The following CACNB4 variants were observed in gnomAD, a reference collection of about 807,000 sequenced individuals.
The protein encoded by CACNB4 is calcium voltage-gated channel auxiliary subunit beta 4, also known as voltage-dependent L-type calcium channel subunit beta-4.
CACNB4 carries 32 observed loss-of-function variants against 71.2 expected under a neutral mutation model. The ratio of observed to expected loss-of-function variants is 0.45; its 90% CI spans 0.34 to 0.60. CACNB4 has a LOEUF of 0.60. Among genes scored for constraint, CACNB4 ranks in the 20% least tolerant of loss-of-function variants. The pLI is 0.01. For missense variants in CACNB4, 464 were observed against 647.9 expected (o/e 0.72, Z 3.08); for synonymous variants, 231 against 236.9 (o/e 0.97, Z 0.23).
At chr2:151,917,610 G>T (rs2099857849) in intron 2 of CACNB4, among the ~76,000 whole-genome samples, 1 of 152,134 alleles carries the variant, frequency 6.6e-6, no homozygotes. Flanking sequence ...GCTGAGGCAG[G>T]TGGATCACCT....
chr2:151,955,237 C>T (rs2099867945), intron 2 of CACNB4, among the ~76,000 whole-genome samples: 1 of 152,208 alleles, frequency 6.6e-6, no homozygotes, highest in African/African-American at 2.4e-5. Context: ...CATTTCCTCA[C>T]TGGTTGGTGC....
chr2:151,897,524 A>AG (rs2099852388), intron 2 of CACNB4, among the ~76,000 whole-genome samples: 1 of 152,250 alleles, frequency 6.6e-6, no homozygotes, highest in Non-Finnish European at 1.5e-5. Context: ...CCAAACAAAT[A>AG]GAAAAAAAAG....
At chr2:152,062,715 G>A (rs1412326767) in intron 2 of CACNB4, among the ~76,000 whole-genome samples, 1 of 152,186 alleles carries the variant, frequency 6.6e-6, no homozygotes, top group Non-Finnish European at 1.5e-5. Flanking sequence ...GCAAGACAGA[G>A]CCTTTGCCAA....
chr2:152,090,629 G>A (rs1176418624), intron 2 of CACNB4, among the ~76,000 whole-genome samples: 10 of 142,086 alleles, frequency 7.0e-5, no homozygotes, highest in African/African-American at 2.6e-4. Flanking sequence ...GGCAACAACA[G>A]CAAAACTCCA....
intron 2 of CACNB4, among the ~76,000 whole-genome samples, chr2:151,977,128 C>A (rs997174786): frequency 3.3e-5 from 5 of 152,198 alleles, no homozygotes; most frequent in Non-Finnish European, 5.9e-5. Flanking sequence ...AACCCACCTA[C>A]CTCTCATTAC....
At chr2:152,046,883 G>C (rs1579195572) in intron 2 of CACNB4, among the ~76,000 whole-genome samples, 1 of 152,176 alleles carries the variant, frequency 6.6e-6, no homozygotes, top group East Asian at 1.9e-4. Context: ...AAGGGTCTCT[G>C]ACTATCCTGG....
intron 8 of CACNB4, chr2:151,869,986 C>G: frequency 9.4e-6 from 5 of 530,918 alleles, no homozygotes; most frequent in Non-Finnish European, 1.6e-5. Flanking sequence ...CTACTCTTTT[C>G]CTTGTCACAT....
In CACNB4 at chr2:151,978,770, G is replaced by A. The variant is rs76533104; in HGVS notation, c.148-95400C>T. ...ATTGCTAAACCTTGCCCCTGATGCCGGCCTGGTCCTCTCAATCCCACCAGA... is the reference window on the plus strand; with the variant it reads ...ATTGCTAAACCTTGCCCCTGATGCCAGCCTGGTCCTCTCAATCCCACCAGA... On this transcript the variant is annotated intron_variant, in intron 2 of 13. Transcript: ENST00000539935. 1.2e-3 allele frequency among the ~76,000 whole-genome samples: 181 copies of A among 152,148 alleles called. 1 individual carries two copies. The highest frequency in any genetic ancestry group is 4.1e-3 in the African/African-American group (170 of 41,520).
intron 2 of CACNB4, among the ~76,000 whole-genome samples, chr2:152,035,786 G>C (rs1684559867): frequency 6.6e-6 from 1 of 151,946 alleles, no homozygotes; most frequent in African/African-American, 2.4e-5. Context: ...TCAAGCATTT[G>C]AGTTTAAAAC....
chr2:152,050,742 C>T (rs1340445098), intron 2 of CACNB4, among the ~76,000 whole-genome samples: 2 of 151,850 alleles, frequency 1.3e-5, no homozygotes, highest in Non-Finnish European at 1.5e-5. Flanking sequence ...TTAATGCAGG[C>T]ATATCCACTT....
At chr2:151,928,714 C>T (rs1364820606) in intron 2 of CACNB4, among the ~76,000 whole-genome samples, 1 of 152,024 alleles carries the variant, frequency 6.6e-6, no homozygotes, top group Non-Finnish European at 1.5e-5. Context: ...ACTTTGAGTT[C>T]AGGAGTTTGA....
intron 2 of CACNB4, among the ~76,000 whole-genome samples, chr2:151,938,015 T>C (rs1199327516): frequency 2.0e-5 from 3 of 152,350 alleles, no homozygotes; most frequent in East Asian, 3.9e-4. Flanking sequence ...AAGACTTCTA[T>C]CCATTGGTCC....
chr2:152,027,961 T>TA (rs1380505879), intron 2 of CACNB4, among the ~76,000 whole-genome samples: 2 of 152,038 alleles, frequency 1.3e-5, no homozygotes, highest in Non-Finnish European at 2.9e-5. Flanking sequence ...GAGCTTCGAT[T>TA]TGTGAGTAAC....
chr2:151,881,879 C>CTT (rs34072100), intron 3 of CACNB4, among the ~76,000 whole-genome samples: 1,896 of 133,008 alleles, frequency 0.014, 50 homozygotes, highest in African/African-American at 0.045. Flanking sequence ...CTCCTCCCAT[C>CTT]TTTTTTTTTT....
At chr2:152,004,866 C>G (rs78960992) in intron 2 of CACNB4, among the ~76,000 whole-genome samples, 2,694 of 152,266 alleles carry the variant, frequency 0.018, 83 homozygotes, top group African/African-American at 0.06. Flanking sequence ...GGCAGAGCCA[C>G]AGCGGCGTTT....
At chr2:152,078,266 G>C (rs115315167) in intron 2 of CACNB4, among the ~76,000 whole-genome samples, 1 of 152,290 alleles carries the variant, frequency 6.6e-6, no homozygotes, top group African/African-American at 2.4e-5. Context: ...GATGCCTCTA[G>C]AACTGCTGCA....
rs751340365 is a variant in CACNB4 at position 151,872,498 on chromosome 2, G to C, written c.522-5C>G. The C allele has an allele frequency of 6.4e-7, 1 of 1,559,156 alleles. No individual in the cohort carries two copies. Among genetic ancestry groups the C allele is most frequent in the South Asian group, 1.1e-5 (1 of 88,696 alleles). The stretch of plus-strand genomic sequence containing the variant: ...GAAGAATTTCCACTTGATTTCCTAG[G>C]ATATAGAAAAGGAACTAAAGACTCA... On this transcript the variant is annotated splice_polypyrimidine_tract_variant and splice_region_variant and intron_variant, in intron 5 of 13. Transcript: ENST00000539935.
At chr2:151,865,768 T>TTTTC (rs147623183) in intron 9 of CACNB4, 132,441 of 141,096 alleles carry the variant, frequency 0.94, 62,236 homozygotes, top group East Asian at 0.99. Flanking sequence ...GTGTTTTTCT[T>TTTTC]TTTCTTTCTT....
chr2:152,001,995 T>C (rs2151781478), intron 2 of CACNB4, among the ~76,000 whole-genome samples: 1 of 152,282 alleles, frequency 6.6e-6, no homozygotes, highest in East Asian at 1.9e-4. Flanking sequence ...ACAACGAGCA[T>C]TTCTCCAAGG....
Sources: gnomAD v4.1 joint callset for allele counts (sites outside exome capture counted in the v4.1 genomes callset) on GRCh38, gnomAD v4.1.1 for gene constraint, MANE v1.5 for transcripts, NCBI Gene and HGNC (gene_info 2026-07-23, HGNC 2026-07-21) for gene names.